IL1RAPL1: variants seen among roughly 807,000 people sequenced by gnomAD.
IL1RAPL1 encodes the protein interleukin-1 receptor accessory protein-like 1.
IL1RAPL1 carries 3 observed loss-of-function variants against 48.4 expected under a neutral mutation model. The ratio of observed to expected loss-of-function variants is 0.06; its 90% CI spans 0.03 to 0.16. The LOEUF (loss-of-function observed/expected upper bound fraction) is 0.16. IL1RAPL1 is among the 10% of genes least tolerant of loss of function. IL1RAPL1 has a pLI of 1.00. For synonymous variants in IL1RAPL1, 185 were observed against 187.7 expected, an observed-to-expected ratio of 0.99 and a Z score of 0.12; for missense variants, 349 against 530.6, an observed-to-expected ratio of 0.66 and a Z score of 3.36.
intron 1 of IL1RAPL1, among the ~76,000 whole-genome samples, chrX:28,619,519 A>G (rs1475415878): frequency 9.6e-6 from 1 of 104,251 alleles, no homozygotes; most frequent in African/African-American, 3.5e-5. Context: ...AGATGGGAGG[A>G]TTGCTGGAGC....
chrX:29,622,106 A>G (rs994818000), intron 5 of IL1RAPL1, among the ~76,000 whole-genome samples: 1 of 112,535 alleles, frequency 8.9e-6, no homozygotes. Flanking sequence ...TTTATGTCTG[A>G]ATAATATTCC....
chrX:28,731,096 C>T (rs1935749376), intron 1 of IL1RAPL1, among the ~76,000 whole-genome samples: 1 of 111,703 alleles, frequency 9.0e-6, no homozygotes, highest in Non-Finnish European at 1.9e-5. Context: ...TATTAAGATG[C>T]CTCAAAATAG....
intron 5 of IL1RAPL1, among the ~76,000 whole-genome samples, chrX:29,421,394 C>T (rs776345846): frequency 9.0e-6 from 1 of 111,000 alleles, no homozygotes; most frequent in South Asian, 3.8e-4. Flanking sequence ...TCCCTCATCT[C>T]CACACTCCCA....
At chrX:28,724,211 A>G (rs1935632144) in intron 1 of IL1RAPL1, among the ~76,000 whole-genome samples, 1 of 111,139 alleles carries the variant, frequency 9.0e-6, no homozygotes, top group African/African-American at 3.3e-5. Context: ...GTCACCCATT[A>G]TTATTGAGTG....
intron 1 of IL1RAPL1, among the ~76,000 whole-genome samples, chrX:28,762,821 CACAGAGAGAG>C (rs1936191861): frequency 2.7e-5 from 1 of 37,338 alleles, no homozygotes; most frequent in Non-Finnish European, 6.0e-5. Flanking sequence ...CACACACACA[CACAGAGAGAG>C]AGAGAGAGAG....
At chrX:29,723,121 C>G (rs1360959573) in intron 6 of IL1RAPL1, among the ~76,000 whole-genome samples, 1 of 112,279 alleles carries the variant, frequency 8.9e-6, no homozygotes, top group Non-Finnish European at 1.9e-5. Context: ...GAGGATCTTA[C>G]CAATTTCAGT....
chrX:29,256,694 C>T (rs1931763509), intron 2 of IL1RAPL1, among the ~76,000 whole-genome samples: 2 of 111,221 alleles, frequency 1.8e-5, no homozygotes, highest in Admixed American at 9.6e-5. Flanking sequence ...GTCAGTTTCA[C>T]AGGACCTTAT....
At chrX:29,793,201 C>A (rs781351946) in intron 6 of IL1RAPL1, among the ~76,000 whole-genome samples, 4 of 112,272 alleles carry the variant, frequency 3.6e-5, no homozygotes, top group African/African-American at 1.3e-4. Context: ...ATATACATCA[C>A]CTCCTTCACT....
At chrX:29,232,288 G>A (rs1325076233) in intron 2 of IL1RAPL1, among the ~76,000 whole-genome samples, 4 of 111,227 alleles carry the variant, frequency 3.6e-5, no homozygotes, top group East Asian at 2.8e-4. Flanking sequence ...TGATTTTACC[G>A]TAAAATAAAA....
At chrX:29,391,399 G>A (rs979007501) in intron 3 of IL1RAPL1, among the ~76,000 whole-genome samples, 5 of 111,674 alleles carry the variant, frequency 4.5e-5, no homozygotes, top group Non-Finnish European at 9.4e-5. Flanking sequence ...CACTGAATCA[G>A]ATTTTTTTTT....
intron 6 of IL1RAPL1, among the ~76,000 whole-genome samples, chrX:29,809,100 T>G (rs1930319131): frequency 9.8e-6 from 1 of 101,588 alleles, no homozygotes; most frequent in African/African-American, 3.5e-5. Flanking sequence ...TTTTTCTTTT[T>G]TTTTGGGGGG....
chrX:29,418,110 TATA>T (rs1569307100), intron 5 of IL1RAPL1, among the ~76,000 whole-genome samples: 2 of 43,479 alleles, frequency 4.6e-5, no homozygotes, highest in Non-Finnish European at 8.5e-5. Context: ...TATATATATA[TATA>T]TATATATATA....
intron 5 of IL1RAPL1, among the ~76,000 whole-genome samples, chrX:29,560,983 T>A (rs779672147): frequency 1.8e-5 from 2 of 112,105 alleles, no homozygotes; most frequent in South Asian, 7.4e-4. Flanking sequence ...AGTCACCTCC[T>A]CCTTCAATCC....
At chrX:29,180,455 C>T (rs1930121480) in intron 2 of IL1RAPL1, among the ~76,000 whole-genome samples, 1 of 109,829 alleles carries the variant, frequency 9.1e-6, no homozygotes, top group Non-Finnish European at 1.9e-5. Context: ...TGGCTAACTG[C>T]AACCTCCACC....
At chrX:28,593,749 A>G (rs901315464) in intron 1 of IL1RAPL1, among the ~76,000 whole-genome samples, 1 of 111,531 alleles carries the variant, frequency 9.0e-6, no homozygotes, top group African/African-American at 3.2e-5. Flanking sequence ...GCATATGGAT[A>G]ATCATAAAAT....
In IL1RAPL1 at chrX:29,842,446, C is replaced by T. The variant is rs1198823860; in HGVS notation, c.779-75018C>T. ...GTGTGGAAAACCGTTCAAAACATTT[C>T]ATTCAGTGAGATGTTTAATCTTAAG... is the stretch of plus-strand genomic sequence containing the variant. On this transcript the variant is annotated intron_variant, in intron 6 of 10. Transcript: ENST00000378993. Among the ~76,000 whole-genome samples the T allele has an allele frequency of 5.3e-5, 6 of 112,194 alleles. No homozygotes were observed. In the Admixed American group the frequency reaches 5.7e-4, roughly 11 times the overall value.
chrX:28,701,016 G>A (rs1341929584), intron 1 of IL1RAPL1, among the ~76,000 whole-genome samples: 1 of 111,576 alleles, frequency 9.0e-6, no homozygotes, highest in Non-Finnish European at 1.9e-5. Context: ...ATAAACATAT[G>A]CGTGCATGTG....
At chrX:29,279,615 T>C (rs1932170763) in intron 2 of IL1RAPL1, among the ~76,000 whole-genome samples, 1 of 111,610 alleles carries the variant, frequency 9.0e-6, no homozygotes, top group South Asian at 3.7e-4. Flanking sequence ...GTTTCCATAT[T>C]GAAATGAACA....
intron 5 of IL1RAPL1, among the ~76,000 whole-genome samples, chrX:29,430,230 C>G (rs950889235): frequency 1.8e-5 from 2 of 110,962 alleles, no homozygotes; most frequent in Non-Finnish European, 3.8e-5. Context: ...TCCTGGGGTC[C>G]CCTTACTACC....
Sources: allele counts gnomAD v4.1 joint callset (sites outside exome capture counted in the v4.1 genomes callset), GRCh38; gene constraint gnomAD v4.1.1; transcripts MANE v1.5; gene names NCBI Gene and HGNC (gene_info 2026-07-23, HGNC 2026-07-21).